The following DCAF1 variants were observed in gnomAD, a reference collection of about 807,000 sequenced individuals.
The protein encoded by DCAF1 is DDB1 and CUL4 associated factor 1.
A neutral mutation model predicts 128.0 loss-of-function variants in DCAF1; 15 were observed. The observed-to-expected ratio is 0.12, with a 90% CI of 0.08 to 0.18. The LOEUF is 0.18. Ranked by LOEUF, DCAF1 falls within the 10% of genes least tolerant of loss-of-function variation. DCAF1 has a pLI of 1.00. For synonymous variants in DCAF1, 610 were observed against 603.0 expected, an observed-to-expected ratio of 1.01 and a Z score of -0.17; for missense variants, 988 against 1,649.5, an observed-to-expected ratio of 0.60 and a Z score of 6.95.
intron 6 of DCAF1, among the ~76,000 whole-genome samples, chr3:51,451,747 A>G (rs1234110832): frequency 3.3e-5 from 5 of 150,124 alleles, no homozygotes; most frequent in African/African-American, 1.2e-4. Context: ...GGGCAACAAG[A>G]GCAAAACTCT....
intron 3 of DCAF1, among the ~76,000 whole-genome samples, chr3:51,472,398 T>C (rs782738567): frequency 1.6e-4 from 25 of 152,116 alleles, no homozygotes; most frequent in Non-Finnish European, 3.2e-4. Context: ...CTTGTAGAGA[T>C]GGGGTCTTGC....
chr3:51,470,086 G>T (rs1704568272), intron 4 of DCAF1, among the ~76,000 whole-genome samples: 1 of 152,132 alleles, frequency 6.6e-6, no homozygotes, highest in African/African-American at 2.4e-5. Flanking sequence ...GCATACTTTA[G>T]TTCTCAAGAC....
At chr3:51,450,831 G>C (rs1325413890) in intron 6 of DCAF1, among the ~76,000 whole-genome samples, 1 of 152,044 alleles carries the variant, frequency 6.6e-6, no homozygotes, top group Non-Finnish European at 1.5e-5. Flanking sequence ...GGAAGTTCTA[G>C]TGAGAGTAAT....
chr3:51,439,336 T>C (rs1701144915), intron 9 of DCAF1, among the ~76,000 whole-genome samples: 1 of 151,426 alleles, frequency 6.6e-6, no homozygotes, highest in Non-Finnish European at 1.5e-5. Flanking sequence ...CCATGTTGAC[T>C]AAGCTGGTCT....
At chr3:51,412,764 G>A (rs1022975422) in intron 22 of DCAF1, among the ~76,000 whole-genome samples, 1 of 151,886 alleles carries the variant, frequency 6.6e-6, no homozygotes. Flanking sequence ...TGTGAGTCCA[G>A]AAAAAAAGGA....
chr3:51,432,362 T>C (rs1344202467), intron 10 of DCAF1, among the ~76,000 whole-genome samples: 4 of 150,018 alleles, frequency 2.7e-5, no homozygotes, highest in Admixed American at 6.6e-5. Context: ...ACTTGGGCAA[T>C]AGGGCAAGAC....
intron 3 of DCAF1, among the ~76,000 whole-genome samples, chr3:51,472,527 T>C (rs537943188): frequency 6.6e-6 from 1 of 151,966 alleles, no homozygotes; most frequent in African/African-American, 2.4e-5. Flanking sequence ...GCTGGGTCTA[T>C]AGGCACGCAA....
chr3:51,448,102 T>A (rs930646107), intron 6 of DCAF1, among the ~76,000 whole-genome samples: 1 of 152,216 alleles, frequency 6.6e-6, no homozygotes, highest in Non-Finnish European at 1.5e-5. Context: ...TTCTCTTTGG[T>A]AATCTTCACT....
chr3:51,416,818 C>T lies in DCAF1; in HGVS notation c.3572G>A (p.Arg1191Gln), dbSNP rs1246796284. The T allele has an allele frequency of 7.4e-6, 12 of 1,611,656 alleles. No individual in the cohort carries two copies. The highest frequency in any genetic ancestry group is 1.0e-5 in the Non-Finnish European group (12 of 1,178,964). Residue 1191 changes from arginine (R) to glutamine (Q), a missense_variant, in exon 18 of 25, where the codon CGG (arginine) becomes CAG (glutamine). This residue lies in a region of DCAF1 where 61 missense variants were observed against 78.3 expected (regional missense o/e 0.78). Coordinates refer to ENST00000684031, the MANE Select transcript of DCAF1 (RefSeq NM_001387579.1). ...YVEFSKHSQD[R>Q]VIGTKGDIAH... ...AATGTCTCCTTTTGTGCCGATGACC[C>T]GATCCTGGGAGTGCTTACTGAACTC... is the stretch of plus-strand genomic sequence containing the variant.
chr3:51,398,422 G>T lies in DCAF1; in HGVS notation c.*347C>A. 2 of 185,708 alleles carry T rather than the reference G, an allele frequency of 1.1e-5. No homozygotes were observed. The allele number at this position is 185,708 out of a possible 1,614,324, so 11.5% of individuals were successfully genotyped here. On this transcript the variant is annotated 3_prime_UTR_variant, in exon 25 of 25. Coordinates refer to ENST00000684031, the MANE Select transcript of DCAF1 (RefSeq NM_001387579.1). ...AAAGTTTTATAAAAAACTATTTCTT[G>T]TTCTTTAAGTAAAGAACACTATACA...
intron 9 of DCAF1, chr3:51,437,488 G>A (rs559118689): frequency 1.2e-5 from 5 of 423,606 alleles, no homozygotes; most frequent in South Asian, 8.6e-5. Flanking sequence ...TAACTACTGA[G>A]AGATGAGGTC....
chr3:51,424,225 C>A (rs955882062), intron 13 of DCAF1, among the ~76,000 whole-genome samples: 36 of 151,780 alleles, frequency 2.4e-4, no homozygotes, highest in African/African-American at 8.5e-4. Context: ...TATGGTGAAA[C>A]CCTGTCTCTA....
intron 3 of DCAF1, among the ~76,000 whole-genome samples, chr3:51,472,312 C>T (rs945071815): frequency 1.3e-5 from 2 of 152,172 alleles, no homozygotes; most frequent in Non-Finnish European, 1.5e-5. Context: ...AAGCCTCCAC[C>T]CCTGCCCCAA....
upstream of DCAF1, among the ~76,000 whole-genome samples, chr3:51,500,585 G>T (rs1553663917): frequency 1.3e-5 from 2 of 151,966 alleles, no homozygotes; most frequent in African/African-American, 4.8e-5. Context: ...CTGTTGCCCA[G>T]GCTGGAGTGC....
intron 1 of DCAF1, among the ~76,000 whole-genome samples, chr3:51,499,594 C>G (rs1225565085): frequency 6.6e-6 from 1 of 151,972 alleles, no homozygotes; most frequent in East Asian, 1.9e-4. Context: ...ACCCCGCCCC[C>G]CCACTCCGGG....
intron 13 of DCAF1, among the ~76,000 whole-genome samples, chr3:51,426,221 T>G (rs1699896739): frequency 6.6e-6 from 1 of 152,188 alleles, no homozygotes; most frequent in Non-Finnish European, 1.5e-5. Context: ...TTCACTTTTT[T>G]TTTTTTGAGA....
chr3:51,505,314 AAAAG>A, the DCAF1 span, among the ~76,000 whole-genome samples: 2 of 152,124 alleles, frequency 1.3e-5, no homozygotes, highest in African/African-American at 4.8e-5. Context: ...TTAAATTAAA[AAAAG>A]AGAGGGCCTA....
intron 18 of DCAF1, 110 bp from the exon 19 acceptor site, chr3:51,414,967 A>G: frequency 7.0e-7 from 1 of 1,422,412 alleles, no homozygotes; most frequent in Non-Finnish European, 9.4e-7. Flanking sequence ...AATTCTCCAC[A>G]TGGATCAATG....
At chr3:51,459,458 A>C (rs1435825738) in intron 6 of DCAF1, among the ~76,000 whole-genome samples, 2 of 152,200 alleles carry the variant, frequency 1.3e-5, no homozygotes, top group African/African-American at 4.8e-5. Flanking sequence ...ATGGATTCAC[A>C]GCCGAATTCT....
Sources: gnomAD v4.1 joint callset for allele counts (sites outside exome capture counted in the v4.1 genomes callset) on GRCh38, gnomAD v4.1.1 for gene constraint, gnomAD v4.1.1 regional missense constraint, MANE v1.5 for transcripts, NCBI Gene and HGNC (gene_info 2026-07-23, HGNC 2026-07-21) for gene names.